Variants in NSG1 observed in about 807,000 individuals in gnomAD.
NSG1 encodes neuronal vesicle trafficking associated 1.
NSG1 carries 9 observed loss-of-function variants against 19.3 expected under a neutral mutation model. The ratio of observed to expected loss-of-function variants is 0.47; its 90% CI spans 0.28 to 0.81. The LOEUF (loss-of-function observed/expected upper bound fraction) is 0.81. Ranked by LOEUF, NSG1 falls within the 40% of genes least tolerant of loss-of-function variation. NSG1 has a pLI of 0.11. For synonymous variants in NSG1, 104 were observed against 107.0 expected (o/e 0.97, Z 0.17); for missense variants, 236 against 242.4 (o/e 0.97, Z 0.18).
At chr4:4,405,599 T>G (rs905726906) in intron 3 of NSG1, among the ~76,000 whole-genome samples, 2 of 152,138 alleles carry the variant, frequency 1.3e-5, no homozygotes, top group Non-Finnish European at 2.9e-5. Context: ...CCCGTGGCCC[T>G]CTCTCTCCTT....
chr4:4,415,972 T>C, intron 4 of NSG1: 1 of 641,236 alleles, frequency 1.6e-6, no homozygotes, highest in Non-Finnish European at 2.8e-6. Context: ...CTTCCCGACG[T>C]CCTGGTGGGA....
intron 3 of NSG1, among the ~76,000 whole-genome samples, chr4:4,408,382 CCA>C (rs1261606522): frequency 1.3e-5 from 2 of 152,212 alleles, no homozygotes; most frequent in Admixed American, 1.3e-4. Flanking sequence ...TGGCATCCTC[CCA>C]CCCGGCCAGG....
chr4:4,387,283 A>T (rs1382807584), intron 1 of NSG1, 110 bp downstream of exon 1: 2 of 258,108 alleles, frequency 7.7e-6, no homozygotes, highest in Non-Finnish European at 1.5e-5. Flanking sequence ...GGCTGTGAAC[A>T]GCGGGTCGCC....
At chr4:4,411,775 A>ACACAACAC (rs1724206392) in intron 4 of NSG1, among the ~76,000 whole-genome samples, 1 of 96,936 alleles carries the variant, frequency 1.0e-5, no homozygotes, top group African/African-American at 1.0e-4. Context: ...AAACAAAACA[A>ACACAACAC]AACAAAACAA....
intron 3 of NSG1, among the ~76,000 whole-genome samples, chr4:4,392,372 T>C (rs1462282818): frequency 2.0e-5 from 3 of 152,124 alleles, no homozygotes; most frequent in South Asian, 2.1e-4. Flanking sequence ...AGGAGGTGAA[T>C]TGAGAGACAT....
rs12550 is a variant in NSG1 at position 4,417,735 on chromosome 4, C to T, written c.*300C>T. 0.02 allele frequency: 8,098 copies of T among 407,604 alleles called. 552 individuals carry two copies. Among genetic ancestry groups the T allele is most frequent in the African/African-American group, 0.14 (7,093 of 49,046 alleles). The allele number at this position is 407,604 out of a possible 1,614,324, so 25.2% of individuals were successfully genotyped here. A position where few individuals can be genotyped will look rare whatever the true frequency, so the allele number is the denominator to read the frequency against. On this transcript the variant is annotated 3_prime_UTR_variant, in exon 5 of 5. Coordinates refer to ENST00000621129, the MANE Select transcript of NSG1 (RefSeq NM_014392.5). ...AAAAAATAAATTTACACTGGATATG[C>T]GAAGGGTTTGGATCTCAGATAAATG...
chr4:4,410,438 TCA>T (rs992647077), intron 4 of NSG1, among the ~76,000 whole-genome samples: 8 of 152,188 alleles, frequency 5.3e-5, no homozygotes, highest in African/African-American at 1.9e-4. Context: ...TGTGCCAGCC[TCA>T]CAGAGTGTCC....
chr4:4,408,927 T>C (rs530122657), intron 3 of NSG1, among the ~76,000 whole-genome samples: 1 of 152,342 alleles, frequency 6.6e-6, no homozygotes, highest in African/African-American at 2.4e-5. Flanking sequence ...CGTGAGTTCA[T>C]CTGTAAACAC....
At chr4:4,390,952 G>T (rs1477182402) in intron 2 of NSG1, among the ~76,000 whole-genome samples, 1 of 152,046 alleles carries the variant, frequency 6.6e-6, no homozygotes, top group East Asian at 1.9e-4. Context: ...AGGATGTGGG[G>T]GTGGAGACAA....
intron 3 of NSG1, among the ~76,000 whole-genome samples, chr4:4,403,098 T>C (rs1357553585): frequency 1.3e-5 from 2 of 152,184 alleles, no homozygotes; most frequent in Admixed American, 1.3e-4. Flanking sequence ...TTGTACTCAC[T>C]CACTCACTCA....
chr4:4,407,104 C>T (rs955491573), intron 3 of NSG1, among the ~76,000 whole-genome samples: 1 of 152,212 alleles, frequency 6.6e-6, no homozygotes, highest in African/African-American at 2.4e-5. Context: ...GTCTGTGTCC[C>T]TTGTCAGGCA....
At chr4:4,398,450 C>T (rs1473199742) in intron 3 of NSG1, among the ~76,000 whole-genome samples, 1 of 152,108 alleles carries the variant, frequency 6.6e-6, no homozygotes, top group Non-Finnish European at 1.5e-5. Flanking sequence ...CCCATGCCCC[C>T]CCCCACAGCC....
chr4:4,408,622 C>T (rs748306947), intron 3 of NSG1, among the ~76,000 whole-genome samples: 2 of 152,136 alleles, frequency 1.3e-5, no homozygotes, highest in Admixed American at 6.6e-5. Flanking sequence ...CCAACATGCC[C>T]GGCTAATTTT....
intron 3 of NSG1, among the ~76,000 whole-genome samples, chr4:4,403,643 G>A (rs567584237): frequency 1.3e-5 from 2 of 152,116 alleles, no homozygotes; most frequent in Admixed American, 1.3e-4. Context: ...ATACATTTCC[G>A]GGAGTAGGAC....
At position 4,410,701 on chromosome 4, in the gene NSG1, A is replaced by G. The variant is rs374324714; in HGVS notation, c.357+1018A>G. The stretch of plus-strand genomic sequence containing the variant: ...GACCGGAAGCTGGTCTGGGTGGGTG[A>G]GTGAGGGAGTGGGTGGTGAGTGAAT... On this transcript the variant is annotated intron_variant, in intron 4 of 4. Coordinates refer to ENST00000621129, the MANE Select transcript of NSG1 (RefSeq NM_014392.5). 1.5e-4 allele frequency among the ~76,000 whole-genome samples: 23 copies of G among 152,250 alleles called. No homozygotes were observed. In the South Asian group the frequency reaches 4.6e-3, roughly 30 times the overall value.
chr4:4,418,428 G>A lies in NSG1; in HGVS notation c.*993G>A, dbSNP rs545402614. On this transcript the variant is annotated 3_prime_UTR_variant, in exon 5 of 5. Transcript: ENST00000621129. ...TGGGAAACAGGCAGGAAAGGCTGTG[G>A]GGTGGGGGTGGGGGACTGGTGTGGC... 2.0e-5 allele frequency: 3 copies of A among 152,574 alleles called. No homozygotes were observed. The highest frequency in any genetic ancestry group is 6.5e-5 in the Admixed American group (1 of 15,270). The allele number at this position is 152,574 out of a possible 1,614,324, so 9.5% of individuals were successfully genotyped here. A position where few individuals can be genotyped will look rare whatever the true frequency, so the allele number is the denominator to read the frequency against.
intron 3 of NSG1, among the ~76,000 whole-genome samples, chr4:4,396,198 T>G (rs1482190942): frequency 6.6e-6 from 1 of 152,230 alleles, no homozygotes; most frequent in East Asian, 1.9e-4. Flanking sequence ...ACTTCCCCAC[T>G]GATGCCTGCA....
At chr4:4,399,954 A>G (rs1032138848) in intron 3 of NSG1, among the ~76,000 whole-genome samples, 1 of 152,178 alleles carries the variant, frequency 6.6e-6, no homozygotes, top group Non-Finnish European at 1.5e-5. Context: ...CTCACCTGCC[A>G]CTCATCTCCT....
intron 3 of NSG1, among the ~76,000 whole-genome samples, chr4:4,404,966 G>C (rs538404944): frequency 3.3e-5 from 5 of 152,176 alleles, no homozygotes; most frequent in African/African-American, 7.2e-5. Context: ...GAACAAGTAT[G>C]GGGGAGGGGA....
Sources: gnomAD v4.1 joint callset for allele counts (sites outside exome capture counted in the v4.1 genomes callset) on GRCh38, gnomAD v4.1.1 for gene constraint, MANE v1.5 for transcripts, NCBI Gene and HGNC (gene_info 2026-07-23, HGNC 2026-07-21) for gene names.